Variants in ADAMTSL1 observed in about 807,000 individuals in gnomAD.
The protein encoded by ADAMTSL1 is ADAMTS like 1.
In ADAMTSL1, 126 loss-of-function variants were observed where a neutral mutation model predicts 201.8. The ratio of observed to expected loss-of-function variants is 0.62; its 90% CI spans 0.54 to 0.72. ADAMTSL1 has a LOEUF of 0.72. ADAMTSL1 is among the 30% of genes least tolerant of loss of function. The pLI is 0.00. For missense variants in ADAMTSL1, 2,679 were observed against 2,277.8 expected, an observed-to-expected ratio of 1.18 and a Z score of -3.59; for synonymous variants, 1,121 against 903.4, an observed-to-expected ratio of 1.24 and a Z score of -4.32.
At chr9:18,905,599 C>A in intron 26 of ADAMTSL1, 183 bp from the exon 27 acceptor site, 1 of 574,474 alleles carries the variant, frequency 1.7e-6, no homozygotes, top group Non-Finnish European at 3.1e-6. Context: ...GAAATCTAAC[C>A]ATCCCATAAA....
chr9:17,946,461 G>A (rs191243667), intron 1 of ADAMTSL1, among the ~76,000 whole-genome samples: 33 of 151,968 alleles, frequency 2.2e-4, no homozygotes, highest in Admixed American at 1.4e-3. Context: ...TTGGTTCTCC[G>A]TTTAGAAGAC....
At chr9:18,015,398 C>G (rs1194493685) in intron 1 of ADAMTSL1, among the ~76,000 whole-genome samples, 1 of 151,776 alleles carries the variant, frequency 6.6e-6, no homozygotes, top group East Asian at 1.9e-4. Flanking sequence ...TAGCTATTAA[C>G]AACTCCCTTT....
At chr9:18,345,274 A>G (rs1486166842) in intron 2 of ADAMTSL1, among the ~76,000 whole-genome samples, 1 of 152,204 alleles carries the variant, frequency 6.6e-6, no homozygotes, top group African/African-American at 2.4e-5. Context: ...TTAATTGTAC[A>G]TAAACACAGT....
In ADAMTSL1 at chr9:18,543,652, AT is replaced by A. The variant is rs986417662; in HGVS notation, c.237+10361del. ...TGCAGCAATTACTCTGGGAAAAAAA[AT>A]CCTCATATTTTATGACTAACTGTTT... On this transcript the variant is annotated intron_variant, in intron 3 of 28. Transcript: ENST00000380548. Among the ~76,000 whole-genome samples the A allele has an allele frequency of 1.8e-3, 269 of 152,346 alleles. 2 individuals are homozygous for A. The highest frequency in any genetic ancestry group is 6.2e-3 in the African/African-American group (257 of 41,580).
intron 1 of ADAMTSL1, among the ~76,000 whole-genome samples, chr9:17,972,909 G>A (rs1461935867): frequency 1.3e-5 from 2 of 148,732 alleles, no homozygotes; most frequent in African/African-American, 2.5e-5. Context: ...TTTCTCTGAT[G>A]GCCAGTGATG....
rs184908418 is a variant in ADAMTSL1, at chr9:18,892,621, T to G, written c.4851+25T>G. 230 of 1,548,770 alleles carry G rather than the reference T, an allele frequency of 1.5e-4. 2 individuals carry two copies. The East Asian group carries it at 3.2e-3, about 22-fold the overall frequency. On this transcript the variant is annotated intron_variant, in intron 26 of 28. Transcript: ENST00000380548. ...GGTGAGGAGCCAGAGAGGTTGTTAT[T>G]TGAAAGCTAAATCTAAAGGAATGGA...
intron 16 of ADAMTSL1, among the ~76,000 whole-genome samples, chr9:18,761,862 T>A (rs1399053094): frequency 6.6e-6 from 1 of 152,208 alleles, no homozygotes; most frequent in Non-Finnish European, 1.5e-5. Context: ...ATCCCTGACA[T>A]TTACTCAGCT....
chr9:18,718,300 C>A (rs1587974507), intron 14 of ADAMTSL1: 1 of 748,592 alleles, frequency 1.3e-6, no homozygotes, highest in African/African-American at 1.7e-5. Flanking sequence ...AATGCAAAGC[C>A]TTGTCCATTT....
At chr9:18,509,190 C>CAAAAAAAAAAAAAA (rs57922962) in intron 2 of ADAMTSL1, among the ~76,000 whole-genome samples, 5 of 20,464 alleles carry the variant, frequency 2.4e-4, no homozygotes, top group East Asian at 1.4e-3. Context: ...GACTCCGTCT[C>CAAAAAAAAAAAAAA]AAAAAAAAAA....
intron 2 of ADAMTSL1, among the ~76,000 whole-genome samples, chr9:18,180,395 T>A (rs1242377955): frequency 2.6e-5 from 4 of 151,074 alleles, no homozygotes; most frequent in Non-Finnish European, 4.4e-5. Flanking sequence ...TAGCCAGGCG[T>A]AGTGGCGGGC....
intron 26 of ADAMTSL1, among the ~76,000 whole-genome samples, chr9:18,895,320 C>T (rs942047743): frequency 1.3e-5 from 2 of 152,192 alleles, no homozygotes; most frequent in African/African-American, 2.4e-5. Flanking sequence ...TATAAGTGCT[C>T]TGGAAAACAG....
intron 2 of ADAMTSL1, among the ~76,000 whole-genome samples, chr9:18,325,723 G>A (rs1467215481): frequency 6.6e-6 from 1 of 151,726 alleles, no homozygotes; most frequent in Non-Finnish European, 1.5e-5. Flanking sequence ...GTTGCCTGAA[G>A]CCTCTTTTAA....
At chr9:18,091,442 G>T (rs10963443) in intron 1 of ADAMTSL1, among the ~76,000 whole-genome samples, 63,333 of 151,842 alleles carry the variant, frequency 0.42, 13,527 homozygotes, top group Non-Finnish European at 0.45. Context: ...CTCTGGCTGT[G>T]CCCTTCTGCG....
intron 3 of ADAMTSL1, among the ~76,000 whole-genome samples, chr9:18,542,929 A>G (rs1820238871): frequency 6.6e-6 from 1 of 152,190 alleles, no homozygotes; most frequent in Non-Finnish European, 1.5e-5. Flanking sequence ...AGTTCCAGGT[A>G]TTCTGGAAGG....
intron 2 of ADAMTSL1, among the ~76,000 whole-genome samples, chr9:18,269,872 C>T (rs1832288642): frequency 1.3e-5 from 2 of 148,904 alleles, no homozygotes; most frequent in African/African-American, 5.0e-5. Flanking sequence ...ATTTGTGCAT[C>T]CCAACTGCTT....
At chr9:18,591,058 T>C (rs938660086) in intron 4 of ADAMTSL1, among the ~76,000 whole-genome samples, 5 of 152,196 alleles carry the variant, frequency 3.3e-5, no homozygotes, top group African/African-American at 1.2e-4. Context: ...GTCTAGAATA[T>C]AGTTTAACCC....
At chr9:18,527,885 C>T (rs374908627) in intron 2 of ADAMTSL1, among the ~76,000 whole-genome samples, 16 of 151,902 alleles carry the variant, frequency 1.1e-4, no homozygotes, top group African/African-American at 3.4e-4. Context: ...TGTATTCCAC[C>T]CGCCCCCCTC....
chr9:18,085,167 A>C (rs1404679640), intron 1 of ADAMTSL1, among the ~76,000 whole-genome samples: 1 of 151,764 alleles, frequency 6.6e-6, no homozygotes, highest in Non-Finnish European at 1.5e-5. Flanking sequence ...GGGCCAGATT[A>C]CACAGGACCT....
chr9:18,583,451 G>A (rs1823249231), intron 4 of ADAMTSL1, among the ~76,000 whole-genome samples: 1 of 152,238 alleles, frequency 6.6e-6, no homozygotes, highest in African/African-American at 2.4e-5. Context: ...CCAGTCAGAA[G>A]TTTGCCACAG....
Sources: allele counts gnomAD v4.1 joint callset (sites outside exome capture counted in the v4.1 genomes callset), GRCh38; gene constraint gnomAD v4.1.1; transcripts MANE v1.5; gene names NCBI Gene and HGNC (gene_info 2026-07-23, HGNC 2026-07-21).